Variants in PWWP2A observed in about 807,000 individuals in gnomAD.
PWWP2A encodes PWWP domain-containing protein 2A.
A neutral mutation model predicts 48.5 loss-of-function variants in PWWP2A; 18 were observed. The observed-to-expected ratio is 0.37, with a 90% CI of 0.26 to 0.55. The LOEUF (loss-of-function observed/expected upper bound fraction) is 0.55. PWWP2A is among the 20% of genes least tolerant of loss of function. PWWP2A has a pLI of 0.81. For synonymous variants in PWWP2A, 396 were observed against 387.7 expected, an observed-to-expected ratio of 1.02 and a Z score of -0.25; for missense variants, 867 against 976.4, an observed-to-expected ratio of 0.89 and a Z score of 1.49.
chr5:160,066,721 A>G (rs925641309), intron 3 of PWWP2A: 1 of 152,118 alleles, frequency 6.6e-6, no homozygotes, highest in African/African-American at 2.4e-5. Context: ...GAAAAATAAC[A>G]TGTTTCCTGT....
the PWWP2A span, among the ~76,000 whole-genome samples, chr5:160,056,281 A>G: frequency 6.6e-6 from 1 of 152,006 alleles, no homozygotes; most frequent in Non-Finnish European, 1.5e-5. Context: ...TCATAATCCA[A>G]CCCAGGTTTT....
At chr5:160,117,483 C>T (rs998429926) in intron 1 of PWWP2A, among the ~76,000 whole-genome samples, 1 of 152,006 alleles carries the variant, frequency 6.6e-6, no homozygotes, top group African/African-American at 2.4e-5. Context: ...GGTGAAATCC[C>T]GGCTCTAGTT....
chr5:160,049,511 C>T, the PWWP2A span: 3 of 1,560,476 alleles, frequency 1.9e-6, no homozygotes, highest in Non-Finnish European at 1.7e-6. Flanking sequence ...TCTCTTTTTA[C>T]AGCAATTCAA....
chr5:160,054,732 T>C, the PWWP2A span, among the ~76,000 whole-genome samples: 1 of 152,200 alleles, frequency 6.6e-6, no homozygotes, highest in Non-Finnish European at 1.5e-5. Flanking sequence ...TCAGGTTAGT[T>C]TGAGGAACAT....
rs756486477 is a variant in PWWP2A at position 160,093,762 on chromosome 5, T to A, written c.888A>T (p.Arg296=). 4 of 1,614,038 alleles carry A rather than the reference T, an allele frequency of 2.5e-6. No individual in the cohort carries two copies. The highest frequency in any genetic ancestry group is 3.4e-6 in the Non-Finnish European group (4 of 1,179,898). ...CTTCCCTGTACATTTTTCGTTTGGG[T>A]CGCTTAATTTTCCGAGGAGGTGGCT... ...IPQPPPRKIK[R]PKRKMYREEP... Residue 296 remains arginine, a synonymous_variant, in exon 2 of 2, where the codon CGA becomes CGT. Coordinates refer to ENST00000307063, the MANE Select transcript of PWWP2A (RefSeq NM_001130864.2). The surrounding 1 kb of genome is among the most constrained non-coding windows in gnomAD (Gnocchi z 5.8).
At chr5:160,101,784 C>T (rs1404582976) in intron 1 of PWWP2A, among the ~76,000 whole-genome samples, 1 of 146,038 alleles carries the variant, frequency 6.8e-6, no homozygotes. Context: ...CCATCCTGGG[C>T]AACATAGAAA....
At chr5:160,090,493 G>A, downstream of PWWP2A, 1 of 982,608 alleles carries the variant, frequency 1.0e-6, no homozygotes, top group Non-Finnish European at 1.2e-6. Flanking sequence ...TTTTTTTTAA[G>A]TATAGTTGTT....
At chr5:160,100,215 G>A (rs889082309) in intron 1 of PWWP2A, among the ~76,000 whole-genome samples, 14 of 152,144 alleles carry the variant, frequency 9.2e-5, no homozygotes, top group African/African-American at 2.9e-4. Flanking sequence ...GCAGGAGAAC[G>A]GTTTAAGCCT....
the PWWP2A span, among the ~76,000 whole-genome samples, chr5:160,056,798 T>C: frequency 6.6e-6 from 1 of 152,160 alleles, no homozygotes; most frequent in African/African-American, 2.4e-5. Flanking sequence ...AGAATTAACA[T>C]GTCATTGCCA....
Position 160,066,095 on chromosome 5 carries a change from C to G in PWWP2A, c.*236+453G>C, listed in dbSNP as rs564742283. 2.3e-3 allele frequency among the ~76,000 whole-genome samples: 347 copies of G among 152,194 alleles called. 3 individuals are homozygous for G. Among genetic ancestry groups the G allele is most frequent in the African/African-American group, 7.6e-3 (315 of 41,536 alleles). On this transcript the variant is annotated intron_variant and NMD_transcript_variant, in intron 4 of 5. Coordinates refer to the PWWP2A transcript ENST00000524050. ...ACTATGTGGTTCTTCTCATCTGTTC[C>G]TAAAAGCTTTTTATCTTTTTTCTTC...
chr5:160,049,380 G>A, the PWWP2A span: 1 of 778,162 alleles, frequency 1.3e-6, no homozygotes, highest in Non-Finnish European at 1.9e-6. Flanking sequence ...AAGTTTTCCA[G>A]CATCAGGTAT....
At chr5:160,115,601 G>A (rs1758047867) in intron 1 of PWWP2A, among the ~76,000 whole-genome samples, 1 of 151,778 alleles carries the variant, frequency 6.6e-6, no homozygotes, top group Admixed American at 6.6e-5. Flanking sequence ...GCTGAGGCAG[G>A]AGATTCACTT....
chr5:160,115,750 G>T (rs1264400944), intron 1 of PWWP2A, among the ~76,000 whole-genome samples: 14 of 151,504 alleles, frequency 9.2e-5, no homozygotes, highest in Admixed American at 9.2e-4. Context: ...TGTAGTCCCA[G>T]CTATTTGGGA....
downstream of PWWP2A, among the ~76,000 whole-genome samples, chr5:160,057,880 G>A (rs1187190655): frequency 6.6e-6 from 1 of 152,116 alleles, no homozygotes; most frequent in Non-Finnish European, 1.5e-5. The surrounding 1 kb of genome is among the most constrained non-coding windows in gnomAD (Gnocchi z 4.4). Context: ...CAATTCTTCT[G>A]CCTCAGCCTC....
chr5:160,114,711 C>T (rs1372124842), intron 1 of PWWP2A, among the ~76,000 whole-genome samples: 4 of 148,366 alleles, frequency 2.7e-5, no homozygotes, highest in Non-Finnish European at 5.9e-5. Flanking sequence ...TGCAGTGAGC[C>T]GAGATTGTGC....
In PWWP2A at chr5:160,092,223, T is replaced by C; in HGVS notation, c.*159A>G. ...TTGATTATATGTTCAGTTTAAGCTC[T>C]CAGTCTAAAAATGGCTATAAGGTAA... On this transcript the variant is annotated 3_prime_UTR_variant, in exon 2 of 2. Transcript: ENST00000307063. The C allele has an allele frequency of 7.3e-7, 1 of 1,370,654 alleles. No homozygotes were observed. The highest frequency in any genetic ancestry group is 9.4e-7 in the Non-Finnish European group (1 of 1,064,376). The allele number at this position is 1,370,654 out of a possible 1,614,324, so 84.9% of individuals were successfully genotyped here.
downstream of PWWP2A, among the ~76,000 whole-genome samples, chr5:160,089,030 C>T (rs373033434): frequency 1.9e-3 from 283 of 152,220 alleles, no homozygotes; most frequent in African/African-American, 6.4e-3. Flanking sequence ...TGTTCTTTGC[C>T]TCCAGTCTGT....
intron 2 of PWWP2A, among the ~76,000 whole-genome samples, chr5:160,067,818 C>G (rs567942122): frequency 3.2e-4 from 48 of 152,318 alleles, no homozygotes; most frequent in Non-Finnish European, 5.7e-4. Context: ...CTTCAGACTT[C>G]AAAAGTAGAA....
chr5:160,116,534 T>C (rs1377441952), intron 1 of PWWP2A, among the ~76,000 whole-genome samples: 2 of 152,218 alleles, frequency 1.3e-5, no homozygotes, highest in Non-Finnish European at 2.9e-5. Context: ...AGGTTCATAT[T>C]AGGAATAGCT....
Sources: gnomAD v4.1 joint callset for allele counts (sites outside exome capture counted in the v4.1 genomes callset) on GRCh38, gnomAD v4.1.1 for gene constraint, Gnocchi (gnomAD v3.1) non-coding constraint, MANE v1.5 for transcripts, NCBI Gene and HGNC (gene_info 2026-07-23, HGNC 2026-07-21) for gene names.